The following FAM107B variants were observed in gnomAD, a reference collection of about 807,000 sequenced individuals.
FAM107B encodes the protein family with sequence similarity 107 member B.
Under a neutral mutation model 31.5 loss-of-function variants are expected in FAM107B, and 21 were observed. The observed-to-expected ratio is 0.67, with a 90% CI of 0.47 to 0.96. FAM107B has a LOEUF of 0.96. Among genes scored for constraint, FAM107B ranks in the 40% least tolerant of loss-of-function variants. The pLI, the probability that FAM107B is intolerant of heterozygous loss-of-function variation, is 0.00. For synonymous variants in FAM107B, 157 were observed against 141.5 expected (o/e 1.11, Z -0.78); for missense variants, 452 against 377.1 (o/e 1.20, Z -1.64).
Position 14,520,987 on chromosome 10 carries a change from C to G in FAM107B, c.*203G>C. The G allele has an allele frequency of 1.9e-6, 1 of 529,794 alleles. No individual in the cohort carries two copies. The highest frequency in any genetic ancestry group is 3.3e-6 in the Non-Finnish European group (1 of 301,022). 32.8% of individuals were successfully genotyped at this position (529,794 alleles called of 1,614,324 possible). A position where few individuals can be genotyped will look rare whatever the true frequency, so the allele number is the denominator to read the frequency against. ...ATCATTCCAACTTACGTGCGGGGCACTGCCCTTCATTTGGCGAATAGGAAC... is the reference window on the plus strand; with the variant it reads ...ATCATTCCAACTTACGTGCGGGGCAGTGCCCTTCATTTGGCGAATAGGAAC... On this transcript the variant is annotated 3_prime_UTR_variant, in exon 5 of 5. Transcript: ENST00000181796.
At chr10:14,556,476 G>A (rs1433325025) in intron 2 of FAM107B, 3 of 942,900 alleles carry the variant, frequency 3.2e-6, no homozygotes. Context: ...ATTCATATTT[G>A]TCAAGCCCCG....
intron 2 of FAM107B, among the ~76,000 whole-genome samples, chr10:14,664,388 A>T (rs1854353242): frequency 6.6e-6 from 1 of 152,268 alleles, no homozygotes; most frequent in African/African-American, 2.4e-5. Context: ...CTCTAAATAC[A>T]GTCATGTGCC....
chr10:14,749,290 A>C (rs11259302), intron 1 of FAM107B, among the ~76,000 whole-genome samples: 17,151 of 152,074 alleles, frequency 0.11, 2,163 homozygotes, highest in African/African-American at 0.31. Flanking sequence ...CTGAGGATCC[A>C]GGGCCTGATT....
In FAM107B at chr10:14,521,148, A is replaced by C; in HGVS notation, c.*42T>G. On this transcript the variant is annotated 3_prime_UTR_variant, in exon 5 of 5. Coordinates refer to ENST00000181796, the MANE Select transcript of FAM107B (RefSeq NM_031453.4). ...TGAGATTGAGAAGGCACCCACAGAC[A>C]GCTCTGTGGGGTGACACACGAGGTC... 6.8e-7 allele frequency: 1 copy of C among 1,464,136 alleles called. No homozygotes were observed. The highest frequency in any genetic ancestry group is 1.2e-5 in the South Asian group (1 of 85,198). 90.7% of individuals were successfully genotyped at this position (1,464,136 alleles called of 1,614,324 possible).
intron 1 of FAM107B, among the ~76,000 whole-genome samples, chr10:14,680,228 T>A (rs946016200): frequency 6.6e-6 from 1 of 151,958 alleles, no homozygotes; most frequent in Non-Finnish European, 1.5e-5. Flanking sequence ...TCACATCCCA[T>A]GAGAAAGTTA....
intron 2 of FAM107B, among the ~76,000 whole-genome samples, chr10:14,635,645 T>G (rs996027084): frequency 1.3e-5 from 2 of 152,110 alleles, no homozygotes; most frequent in Admixed American, 6.6e-5. Flanking sequence ...TTTTTTTCTT[T>G]TTTTGAGATG....
At chr10:14,560,608 C>A (rs3740119) in intron 2 of FAM107B, among the ~76,000 whole-genome samples, 1 of 152,178 alleles carries the variant, frequency 6.6e-6, no homozygotes, top group African/African-American at 2.4e-5. Flanking sequence ...GGAAGTCAGA[C>A]ATGGCTCACC....
At chr10:14,698,036 G>A (rs1344718450) in intron 1 of FAM107B, among the ~76,000 whole-genome samples, 1 of 151,798 alleles carries the variant, frequency 6.6e-6, no homozygotes, top group Admixed American at 6.6e-5. Context: ...GACGCACAAG[G>A]ATCGATTGAA....
At chr10:14,659,846 A>G (rs1854184207) in intron 2 of FAM107B, among the ~76,000 whole-genome samples, 1 of 152,234 alleles carries the variant, frequency 6.6e-6, no homozygotes, top group African/African-American at 2.4e-5. Context: ...GTGCGCAGCA[A>G]CAAGGAACTG....
chr10:14,735,532 T>G (rs1348986862), intron 1 of FAM107B, among the ~76,000 whole-genome samples: 1 of 152,116 alleles, frequency 6.6e-6, no homozygotes, highest in Non-Finnish European at 1.5e-5. Flanking sequence ...TCAGGTCCAT[T>G]TTGGTGAAAT....
chr10:14,623,124 A>T (rs893295821), intron 2 of FAM107B, among the ~76,000 whole-genome samples: 4 of 152,206 alleles, frequency 2.6e-5, no homozygotes, highest in African/African-American at 7.2e-5. Context: ...CTTGATTTTG[A>T]TTATCACAAC....
At chr10:14,770,350 C>A (rs1833273136) in intron 1 of FAM107B, among the ~76,000 whole-genome samples, 1 of 151,862 alleles carries the variant, frequency 6.6e-6, no homozygotes, top group Non-Finnish European at 1.5e-5. Flanking sequence ...TGGTGAAAAC[C>A]CATCTCTACT....
chr10:14,594,501 CAA>C (rs371126997), intron 2 of FAM107B, among the ~76,000 whole-genome samples: 7 of 80,158 alleles, frequency 8.7e-5, no homozygotes, highest in African/African-American at 2.3e-4. Context: ...AAGACCCTGC[CAA>C]AAAAAAAAAA....
chr10:14,624,874 G>A (rs1254931650), intron 2 of FAM107B, among the ~76,000 whole-genome samples: 3 of 152,100 alleles, frequency 2.0e-5, no homozygotes, highest in Non-Finnish European at 4.4e-5. Context: ...GATATTCAAG[G>A]GTAAGAACTC....
chr10:14,713,435 G>A (rs1404595091), intron 1 of FAM107B, among the ~76,000 whole-genome samples: 1 of 152,210 alleles, frequency 6.6e-6, no homozygotes, highest in Non-Finnish European at 1.5e-5. Flanking sequence ...CTGTGACCCA[G>A]GGACAGTCTT....
intron 2 of FAM107B, among the ~76,000 whole-genome samples, chr10:14,607,263 A>G (rs1220569703): frequency 1.3e-5 from 2 of 152,258 alleles, no homozygotes; most frequent in African/African-American, 4.8e-5. Flanking sequence ...GCAAATATTT[A>G]CTTTGAATTT....
intron 1 of FAM107B, among the ~76,000 whole-genome samples, chr10:14,769,800 A>G (rs1833259922): frequency 6.6e-6 from 1 of 152,194 alleles, no homozygotes; most frequent in Admixed American, 6.5e-5. Context: ...TGGAACTTAC[A>G]ACTGCTATAG....
intron 1 of FAM107B, among the ~76,000 whole-genome samples, chr10:14,712,844 G>A (rs1017113991): frequency 6.6e-6 from 1 of 152,174 alleles, no homozygotes; most frequent in Non-Finnish European, 1.5e-5. Context: ...TAGAACACGA[G>A]TCCAAAATTC....
chr10:14,673,877 A>AT (rs1429900143), intron 1 of FAM107B, among the ~76,000 whole-genome samples: 1 of 152,010 alleles, frequency 6.6e-6, no homozygotes, highest in Non-Finnish European at 1.5e-5. Context: ...GATGTGGAGC[A>AT]TTTTTTTAAT....
Sources: allele counts gnomAD v4.1 joint callset (sites outside exome capture counted in the v4.1 genomes callset), GRCh38; gene constraint gnomAD v4.1.1; transcripts MANE v1.5; gene names NCBI Gene and HGNC (gene_info 2026-07-23, HGNC 2026-07-21).